Variants in SIL1 observed in about 807,000 individuals in gnomAD.
The protein encoded by SIL1 is nucleotide exchange factor SIL1.
In SIL1, 40 loss-of-function variants were observed where a neutral mutation model predicts 49.1. That is an observed-to-expected ratio of 0.81 (90% confidence interval 0.63 to 1.06). The LOEUF is 1.06. Ranked by LOEUF, SIL1 falls within the 50% of genes least tolerant of loss-of-function variation. The pLI, the probability that SIL1 is intolerant of heterozygous loss-of-function variation, is 0.00. For missense variants in SIL1, 500 were observed against 572.6 expected, an observed-to-expected ratio of 0.87 and a Z score of 1.29; for synonymous variants, 253 against 250.8, an observed-to-expected ratio of 1.01 and a Z score of -0.08.
chr5:139,035,547 C>G, intron 5 of SIL1: 2 of 499,980 alleles, frequency 4.0e-6, no homozygotes, highest in Non-Finnish European at 7.9e-6. Flanking sequence ...ACCCAGGGGG[C>G]CAATCTTGGG....
chr5:139,180,150 G>A (rs1165843173), intron 1 of SIL1, among the ~76,000 whole-genome samples: 1 of 151,194 alleles, frequency 6.6e-6, no homozygotes, highest in Admixed American at 6.6e-5. Flanking sequence ...GATCACTTGA[G>A]GCCAGGCGTT....
chr5:139,143,312 C>CATGTGTATAT (rs1561878655), intron 1 of SIL1, among the ~76,000 whole-genome samples: 11 of 56,744 alleles, frequency 1.9e-4, no homozygotes, highest in East Asian at 6.0e-4. Flanking sequence ...TATATACACA[C>CATGTGTATAT]ACACACACAC....
chr5:138,989,667 T>C (rs1376853832), intron 7 of SIL1, among the ~76,000 whole-genome samples: 2 of 152,138 alleles, frequency 1.3e-5, no homozygotes, highest in Non-Finnish European at 2.9e-5. Flanking sequence ...TAAGGCATCA[T>C]CTAGCTTGAT....
chr5:139,117,455 T>C (rs1480836937), intron 3 of SIL1, among the ~76,000 whole-genome samples: 2 of 152,204 alleles, frequency 1.3e-5, no homozygotes, highest in African/African-American at 2.4e-5. Flanking sequence ...TCTCTGGCTA[T>C]AGATGATGCC....
intron 3 of SIL1, among the ~76,000 whole-genome samples, chr5:139,118,847 T>C (rs888543449): frequency 6.6e-6 from 1 of 152,184 alleles, no homozygotes; most frequent in Non-Finnish European, 1.5e-5. Context: ...TCTGACACCA[T>C]GACACCAGAT....
At chr5:138,957,085 C>G (rs1206166759) in intron 7 of SIL1, among the ~76,000 whole-genome samples, 1 of 152,094 alleles carries the variant, frequency 6.6e-6, no homozygotes, top group African/African-American at 2.4e-5. Context: ...ACCCTACTGA[C>G]AGACACACAC....
At chr5:139,048,984 A>G (rs1371077969) in intron 4 of SIL1, among the ~76,000 whole-genome samples, 1 of 152,246 alleles carries the variant, frequency 6.6e-6, no homozygotes, top group Non-Finnish European at 1.5e-5. Context: ...CTCAATATGA[A>G]GTAGAATTTT....
At chr5:138,983,198 CAAAAAAAA>C (rs33926268) in intron 7 of SIL1, among the ~76,000 whole-genome samples, 9 of 28,100 alleles carry the variant, frequency 3.2e-4, no homozygotes, top group East Asian at 1.6e-3. Flanking sequence ...GACACTGTCT[CAAAAAAAA>C]AAAAAAAAAA....
intron 5 of SIL1, among the ~76,000 whole-genome samples, chr5:139,041,451 C>T (rs1274259422): frequency 6.6e-6 from 1 of 152,130 alleles, no homozygotes; most frequent in African/African-American, 2.4e-5. Context: ...TGTCAAGAGG[C>T]TAATGCTGTC....
chr5:138,957,067 G>T (rs1766918621), intron 7 of SIL1, among the ~76,000 whole-genome samples: 1 of 151,998 alleles, frequency 6.6e-6, no homozygotes, highest in African/African-American at 2.4e-5. Context: ...TCACAAGAGG[G>T]TCTCTAGACC....
chr5:139,191,096 G>A (rs1311332051), intron 1 of SIL1, among the ~76,000 whole-genome samples: 2 of 151,922 alleles, frequency 1.3e-5, no homozygotes, highest in African/African-American at 2.4e-5. Context: ...GCCGGCCATG[G>A]TGGCAAGCAC....
chr5:139,051,136 C>T, intron 3 of SIL1, 90 bp from the exon 4 acceptor site: 1 of 1,124,092 alleles, frequency 8.9e-7, no homozygotes, highest in South Asian at 1.2e-5. Flanking sequence ...CTTACTAGTT[C>T]ATGAAGACAC....
At chr5:139,152,570 G>A (rs1031434583) in intron 1 of SIL1, among the ~76,000 whole-genome samples, 15 of 149,676 alleles carry the variant, frequency 1.0e-4, no homozygotes, top group Admixed American at 4.7e-4. Flanking sequence ...GCAGTGAGCC[G>A]AGATCATGCC....
At chr5:139,104,400 C>A (rs139850637) in intron 3 of SIL1, among the ~76,000 whole-genome samples, 69 of 152,328 alleles carry the variant, frequency 4.5e-4, no homozygotes, top group African/African-American at 1.7e-3. Context: ...GCCTCTGATT[C>A]CCCAAAGTCC....
At chr5:138,979,098 G>T (rs1430424971) in intron 7 of SIL1, among the ~76,000 whole-genome samples, 2 of 151,056 alleles carry the variant, frequency 1.3e-5, no homozygotes, top group Non-Finnish European at 2.9e-5. Flanking sequence ...AAGGAGTCTC[G>T]CTCTGTCGCC....
chr5:139,142,441 A>G (rs965562566), intron 1 of SIL1, among the ~76,000 whole-genome samples: 3 of 152,202 alleles, frequency 2.0e-5, no homozygotes, highest in African/African-American at 7.2e-5. Context: ...ATTATACAAC[A>G]TGATCAAGTG....
chr5:139,176,601 A>C (rs1751888469), intron 1 of SIL1, among the ~76,000 whole-genome samples: 1 of 152,222 alleles, frequency 6.6e-6, no homozygotes, highest in East Asian at 1.9e-4. Flanking sequence ...ACAAGATGCC[A>C]ACAGATTCAA....
chr5:139,195,183 C>T (rs1300180772), intron 1 of SIL1, among the ~76,000 whole-genome samples: 1 of 152,086 alleles, frequency 6.6e-6, no homozygotes, highest in Non-Finnish European at 1.5e-5. Flanking sequence ...CCACCCACCT[C>T]AGCCTCCCAA....
intron 1 of SIL1, among the ~76,000 whole-genome samples, chr5:139,158,621 A>G (rs981751238): frequency 4.0e-5 from 6 of 148,830 alleles, no homozygotes; most frequent in African/African-American, 1.5e-4. Context: ...GAGGGAAATA[A>G]TGGAGAGTCC....
Sources: allele counts gnomAD v4.1 joint callset (sites outside exome capture counted in the v4.1 genomes callset), GRCh38; gene constraint gnomAD v4.1.1; transcripts MANE v1.5; gene names NCBI Gene and HGNC (gene_info 2026-07-23, HGNC 2026-07-21).